Variants in CSRNP3 observed in about 807,000 individuals in gnomAD.
The protein encoded by CSRNP3 is cysteine/serine-rich nuclear protein 3.
A neutral mutation model predicts 48.0 loss-of-function variants in CSRNP3; 12 were observed. The observed-to-expected ratio is 0.25, with a 90% CI of 0.16 to 0.41. CSRNP3 has a LOEUF of 0.41. Ranked by LOEUF, CSRNP3 falls within the 10% of genes least tolerant of loss-of-function variation. CSRNP3 has a pLI of 1.00. For missense variants in CSRNP3, 580 were observed against 724.4 expected, an observed-to-expected ratio of 0.80 and a Z score of 2.29; for synonymous variants, 263 against 269.7, an observed-to-expected ratio of 0.98 and a Z score of 0.24.
chr2:165,571,837 CTA>C (rs1685377304), intron 3 of CSRNP3, among the ~76,000 whole-genome samples: 1 of 151,902 alleles, frequency 6.6e-6, no homozygotes, highest in African/African-American at 2.4e-5. Flanking sequence ...ATTAGTATAT[CTA>C]TTTTTATTCA....
At chr2:165,487,797 GC>G (rs1322215241) in intron 1 of CSRNP3, among the ~76,000 whole-genome samples, 2 of 150,626 alleles carry the variant, frequency 1.3e-5, no homozygotes, top group African/African-American at 5.0e-5. Context: ...TGAAGGAAGT[GC>G]TAAACATGGA....
At chr2:165,498,920 GT>G (rs1461465233) in intron 2 of CSRNP3, among the ~76,000 whole-genome samples, 3 of 152,112 alleles carry the variant, frequency 2.0e-5, no homozygotes, top group African/African-American at 7.2e-5. Context: ...AAGAATTAAA[GT>G]TGCTATTAAA....
intron 1 of CSRNP3, among the ~76,000 whole-genome samples, chr2:165,492,415 G>C (rs1452813599): frequency 6.6e-6 from 1 of 152,004 alleles, no homozygotes; most frequent in Non-Finnish European, 1.5e-5. Flanking sequence ...ATCACCCACT[G>C]TGTCTCTCTT....
chr2:165,665,137 T>C (rs1687157431), intron 5 of CSRNP3, among the ~76,000 whole-genome samples: 1 of 152,176 alleles, frequency 6.6e-6, no homozygotes, highest in Non-Finnish European at 1.5e-5. Context: ...GTTTAGGATA[T>C]CCTCTCAAGG....
chr2:165,571,854 T>C (rs879286436), intron 3 of CSRNP3, among the ~76,000 whole-genome samples: 31 of 152,194 alleles, frequency 2.0e-4, no homozygotes, highest in Admixed American at 1.4e-3. Context: ...TATTCACATA[T>C]AGTATCTTTT....
intron 5 of CSRNP3, among the ~76,000 whole-genome samples, chr2:165,660,120 C>T (rs547055865): frequency 2.8e-4 from 43 of 152,300 alleles, no homozygotes; most frequent in African/African-American, 1.0e-3. Context: ...CTGAAATCCA[C>T]CCTCTGCCTT....
chr2:165,584,474 T>A (rs1324081356), intron 3 of CSRNP3, among the ~76,000 whole-genome samples: 2 of 152,166 alleles, frequency 1.3e-5, no homozygotes, highest in Non-Finnish European at 2.9e-5. Context: ...CACTTGGAAT[T>A]TATTTCCATT....
chr2:165,515,338 C>T (rs200252321), intron 2 of CSRNP3, among the ~76,000 whole-genome samples: 325 of 142,400 alleles, frequency 2.3e-3, no homozygotes, highest in African/African-American at 7.1e-3. Context: ...AAAAAAAATA[C>T]ATATATATAT....
chr2:165,518,223 A>G, intron 3 of CSRNP3, among the ~76,000 whole-genome samples: 1 of 151,992 alleles, frequency 6.6e-6, no homozygotes. Context: ...CACTATTAGC[A>G]TAAAAATAAA....
chr2:165,527,995 G>A (rs1414576238), intron 3 of CSRNP3, among the ~76,000 whole-genome samples: 1 of 150,816 alleles, frequency 6.6e-6, no homozygotes, highest in Non-Finnish European at 1.5e-5. Context: ...GAGAGGGAGA[G>A]GAGGAAGAGC....
intron 4 of CSRNP3, among the ~76,000 whole-genome samples, chr2:165,634,860 G>C (rs1460269192): frequency 6.6e-6 from 1 of 152,246 alleles, no homozygotes; most frequent in Non-Finnish European, 1.5e-5. Flanking sequence ...CTTGCTATTT[G>C]ATGTGCATCT....
intron 3 of CSRNP3, among the ~76,000 whole-genome samples, chr2:165,573,355 T>C (rs1027053674): frequency 6.6e-6 from 1 of 152,222 alleles, no homozygotes; most frequent in Non-Finnish European, 1.5e-5. Flanking sequence ...TGTGTCTTTA[T>C]GTATATTTAT....
chr2:165,515,749 C>T (rs1045584600), intron 2 of CSRNP3, among the ~76,000 whole-genome samples: 9 of 150,906 alleles, frequency 6.0e-5, no homozygotes, highest in African/African-American at 2.2e-4. Context: ...TGCAACTCAA[C>T]ATCTAATTTA....
intron 1 of CSRNP3, among the ~76,000 whole-genome samples, chr2:165,476,030 AG>A: frequency 6.6e-6 from 1 of 152,312 alleles, no homozygotes; most frequent in East Asian, 1.9e-4. Flanking sequence ...ATATAATACA[AG>A]TGTTAATTAA....
rs1412907239 is a variant in CSRNP3, at chr2:165,517,391, TTAAA to T, written c.-112-479_-112-476del. ...ATAAATATTTGAGTTAATTTTATAA[TTAAA>T]TAGTTTCCTTTAAGCAAATCAAACA... On this transcript the variant is annotated intron_variant, in intron 2 of 6. Coordinates refer to ENST00000651982, the MANE Select transcript of CSRNP3 (RefSeq NM_001172173.2). Among the ~76,000 whole-genome samples, 14 of 145,506 alleles carry T rather than the reference TTAAA, an allele frequency of 9.6e-5. 1 individual carries two copies. The highest frequency in any genetic ancestry group is 3.0e-4 in the African/African-American group (12 of 39,534).
chr2:165,543,363 A>G (rs1684982787), intron 3 of CSRNP3, among the ~76,000 whole-genome samples: 1 of 152,216 alleles, frequency 6.6e-6, no homozygotes, highest in African/African-American at 2.4e-5. Context: ...TAGTAAAGAC[A>G]GAAACATAAA....
intron 4 of CSRNP3, among the ~76,000 whole-genome samples, chr2:165,646,227 C>A (rs943904547): frequency 2.6e-5 from 4 of 152,072 alleles, no homozygotes; most frequent in African/African-American, 9.7e-5. Context: ...TCCTTCCCAG[C>A]AAAGTTAAAA....
chr2:165,594,452 T>G (rs1056000787), intron 3 of CSRNP3, among the ~76,000 whole-genome samples: 2 of 152,206 alleles, frequency 1.3e-5, no homozygotes, highest in Non-Finnish European at 2.9e-5. Context: ...ATTCAATTAT[T>G]GCTATCTTCC....
intron 3 of CSRNP3, among the ~76,000 whole-genome samples, chr2:165,541,075 A>G (rs1684950485): frequency 6.6e-6 from 1 of 151,914 alleles, no homozygotes; most frequent in Admixed American, 6.6e-5. Flanking sequence ...ATACCACCAA[A>G]CAATCAACCT....
Sources: gnomAD v4.1 joint callset for allele counts (sites outside exome capture counted in the v4.1 genomes callset) on GRCh38, gnomAD v4.1.1 for gene constraint, MANE v1.5 for transcripts, NCBI Gene and HGNC (gene_info 2026-07-23, HGNC 2026-07-21) for gene names.